STPG2: variants seen among roughly 807,000 people sequenced by gnomAD.
STPG2 encodes sperm-tail PG-rich repeat-containing protein 2.
Under a neutral mutation model 54.2 loss-of-function variants are expected in STPG2, and 56 were observed. The ratio of observed to expected loss-of-function variants is 1.03; its 90% CI spans 0.83 to 1.29. STPG2 has a LOEUF of 1.29. STPG2 is among the 50% of genes most tolerant of loss of function. The pLI is 0.00. For missense variants in STPG2, 596 were observed against 544.9 expected (o/e 1.09, Z -0.93); for synonymous variants, 200 against 181.8 (o/e 1.10, Z -0.81).
chr4:97,507,857 A>G (rs529881773), intron 4 of STPG2, among the ~76,000 whole-genome samples: 5 of 152,184 alleles, frequency 3.3e-5, no homozygotes, highest in South Asian at 2.1e-4. Flanking sequence ...GTGTTTGCCA[A>G]TCAGGAAGCT....
At chr4:97,878,965 T>G (rs749476609) in intron 8 of STPG2, among the ~76,000 whole-genome samples, 1 of 152,206 alleles carries the variant, frequency 6.6e-6, no homozygotes, top group Non-Finnish European at 1.5e-5. Flanking sequence ...AAATTTCTTC[T>G]GCCAGATACC....
intron 8 of STPG2, among the ~76,000 whole-genome samples, chr4:97,845,602 C>G (rs1401461725): frequency 6.6e-6 from 1 of 152,102 alleles, no homozygotes; most frequent in Admixed American, 6.6e-5. Flanking sequence ...CTATTTACTT[C>G]TAAATTGCTT....
At chr4:97,947,548 T>C (rs1403416378) in intron 7 of STPG2, among the ~76,000 whole-genome samples, 1 of 152,146 alleles carries the variant, frequency 6.6e-6, no homozygotes, top group Non-Finnish European at 1.5e-5. Context: ...GGGTTTGTCA[T>C]AGATGGTGTC....
intron 2 of STPG2, among the ~76,000 whole-genome samples, chr4:98,132,561 G>A (rs772292563): frequency 4.6e-5 from 7 of 151,670 alleles, no homozygotes; most frequent in Non-Finnish European, 8.8e-5. Context: ...TTCTTAAAAC[G>A]TTTCTCCCGG....
At chr4:97,746,588 T>C (rs1725426618) in intron 9 of STPG2, among the ~76,000 whole-genome samples, 1 of 151,064 alleles carries the variant, frequency 6.6e-6, no homozygotes, top group African/African-American at 2.4e-5. Context: ...TAGTAGAGAG[T>C]GCATATAATA....
chr4:97,442,861 T>C (rs899382254), intron 4 of STPG2, among the ~76,000 whole-genome samples: 22 of 152,184 alleles, frequency 1.4e-4, no homozygotes, highest in Admixed American at 3.9e-4. Context: ...GTGTGTGCTT[T>C]TTATAGAATT....
At position 97,707,605 on chromosome 4, in the gene STPG2, A is replaced by C. The variant is rs542636073; in HGVS notation, c.1320+5094T>G. Among the ~76,000 whole-genome samples, 11 of 152,236 alleles carry C rather than the reference A, an allele frequency of 7.2e-5. 1 individual carries two copies. In the East Asian group the frequency reaches 7.7e-4, roughly 11 times the overall value. On this transcript the variant is annotated intron_variant, in intron 10 of 10. Transcript: ENST00000295268. ...AGATTTTAGAACAGAGAAGGTATGAAAGAGTTACCTATGAGAGTATGAGAA... is the reference window on the plus strand; with the variant it reads ...AGATTTTAGAACAGAGAAGGTATGACAGAGTTACCTATGAGAGTATGAGAA...
chr4:97,619,692 C>T (rs4568246), intron 10 of STPG2, among the ~76,000 whole-genome samples: 97,087 of 151,892 alleles, frequency 0.64, 31,405 homozygotes, highest in African/African-American at 0.73. Context: ...CTTCAGAAGC[C>T]GTCTGTTAGT....
intron 9 of STPG2, among the ~76,000 whole-genome samples, chr4:97,823,846 CAG>C (rs1346255923): frequency 6.6e-6 from 1 of 152,076 alleles, no homozygotes; most frequent in Non-Finnish European, 1.5e-5. Context: ...TCTCCTAAGA[CAG>C]AGAGAGTTAA....
intron 7 of STPG2, among the ~76,000 whole-genome samples, chr4:97,969,281 G>A (rs1734233135): frequency 6.6e-6 from 1 of 152,162 alleles, no homozygotes; most frequent in Admixed American, 6.5e-5. Flanking sequence ...AGGAATTGCT[G>A]ATGCACACAC....
At chr4:97,750,278 G>A (rs1279724198) in intron 9 of STPG2, among the ~76,000 whole-genome samples, 1 of 151,706 alleles carries the variant, frequency 6.6e-6, no homozygotes, top group Non-Finnish European at 1.5e-5. Context: ...AACCCAAACA[G>A]TCTACATTCC....
At chr4:97,785,414 T>G (rs544228962) in intron 9 of STPG2, among the ~76,000 whole-genome samples, 10 of 152,214 alleles carry the variant, frequency 6.6e-5, no homozygotes, top group African/African-American at 2.4e-4. Context: ...TTTACCACCA[T>G]TAAAAGAATG....
At chr4:97,566,824 CT>C (rs1732462323) in intron 10 of STPG2, among the ~76,000 whole-genome samples, 2 of 145,164 alleles carry the variant, frequency 1.4e-5, no homozygotes, top group African/African-American at 5.3e-5. Context: ...TAGGTAGGAA[CT>C]GAACAATGAG....
chr4:98,097,923 A>G (rs1738909088), intron 5 of STPG2, among the ~76,000 whole-genome samples: 1 of 152,166 alleles, frequency 6.6e-6, no homozygotes, highest in Non-Finnish European at 1.5e-5. Flanking sequence ...AAAGAAGTGA[A>G]AGACCTCTGC....
At chr4:98,016,952 G>A (rs140588290) in intron 5 of STPG2, among the ~76,000 whole-genome samples, 169 of 152,290 alleles carry the variant, frequency 1.1e-3, no homozygotes, top group African/African-American at 3.9e-3. Context: ...TCAGTTGGTA[G>A]GCAAACTGGT....
At position 98,143,104 on chromosome 4, in the gene STPG2, C is replaced by T; in HGVS notation, c.47G>A (p.Ser16Asn). 1.2e-6 allele frequency: 2 copies of T among 1,613,988 alleles called. No homozygotes were observed. The highest frequency in any genetic ancestry group is 1.7e-6 in the Non-Finnish European group (2 of 1,179,974). Reference sequence around the variant, plus strand: ...TCCAGGACCCACATGGGCCTCAGTGCTGCCACCTTCAGCCAATTTGAGCAG... The same window carrying T: ...TCCAGGACCCACATGGGCCTCAGTGTTGCCACCTTCAGCCAATTTGAGCAG... ...PRLLKLAEGG[S>N]TEAHVGPGSY... is the part of the protein sequence containing the mutation. The change falls in exon 1 of 11, where the codon AGC (serine) becomes AAC (asparagine). Residue 16 changes from serine (S) to asparagine (N), a missense_variant. Physicochemically the swap from Ser to Asn is conservative, Grantham distance 46. Transcript: ENST00000295268.
intron 1 of STPG2, among the ~76,000 whole-genome samples, chr4:98,135,037 C>T (rs892977211): frequency 6.6e-6 from 1 of 151,710 alleles, no homozygotes; most frequent in African/African-American, 2.4e-5. Context: ...ATTATACAAA[C>T]TTGAACACTC....
At position 97,633,679 on chromosome 4, in the gene STPG2, G is replaced by C. The variant is rs562367600; in HGVS notation, c.1321-74562C>G. The C allele has an allele frequency of 4.2e-3, 640 of 152,984 alleles. 3 individuals carry two copies. Among genetic ancestry groups the C allele is most frequent in the South Asian group, 0.02 (98 of 4,868 alleles). 9.5% of individuals were successfully genotyped at this position (152,984 alleles called of 1,614,324 possible). Reference sequence around the variant, plus strand: ...AGCAGGGCGAGGCATTGCCTCACTCGGGAAGCGCAAGGGGTCAGGGAGTTC... The same window carrying C: ...AGCAGGGCGAGGCATTGCCTCACTCCGGAAGCGCAAGGGGTCAGGGAGTTC... On this transcript the variant is annotated intron_variant, in intron 10 of 10. Transcript: ENST00000295268.
Position 98,143,153 on chromosome 4 carries a change from T to C in STPG2, c.-3A>G. ...AGGCGGGGAGCCCGATCATACATAG[T>C]GCTCGGGGTGGTGGGGGCGCTGGGG... On this transcript the variant is annotated 5_prime_UTR_variant, in exon 1 of 11. Coordinates refer to ENST00000295268, the MANE Select transcript of STPG2 (RefSeq NM_174952.3). 6.2e-7 allele frequency: 1 copy of C among 1,610,848 alleles called. No homozygotes were observed. Among genetic ancestry groups the C allele is most frequent in the Non-Finnish European group, 8.5e-7 (1 of 1,177,938 alleles).
Sources: gnomAD v4.1 joint callset for allele counts (sites outside exome capture counted in the v4.1 genomes callset) on GRCh38, gnomAD v4.1.1 for gene constraint, MANE v1.5 for transcripts, NCBI Gene and HGNC (gene_info 2026-07-23, HGNC 2026-07-21) for gene names.